The following SHANK2 variants were observed in gnomAD, a reference collection of about 807,000 sequenced individuals.
SHANK2 encodes the protein SH3 and multiple ankyrin repeat domains protein 2.
Under a neutral mutation model 133.7 loss-of-function variants are expected in SHANK2, and 43 were observed. The observed-to-expected ratio is 0.32, with a 90% CI of 0.25 to 0.41. The LOEUF is 0.41. SHANK2 is among the 10% of genes least tolerant of loss of function. SHANK2 has a pLI of 1.00. For synonymous variants in SHANK2, 1,017 were observed against 952.8 expected, an observed-to-expected ratio of 1.07 and a Z score of -1.24; for missense variants, 1,994 against 2,235.8, an observed-to-expected ratio of 0.89 and a Z score of 2.18.
chr11:70,491,133 C>T (rs1033763053), intron 22 of SHANK2, among the ~76,000 whole-genome samples: 2 of 152,244 alleles, frequency 1.3e-5, no homozygotes, highest in Admixed American at 1.3e-4. Flanking sequence ...ACTGAGATGG[C>T]TCAGGGCCCC....
chr11:70,676,497 G>A (rs1944908086), intron 15 of SHANK2, among the ~76,000 whole-genome samples: 4 of 152,240 alleles, frequency 2.6e-5, no homozygotes, highest in Admixed American at 2.6e-4. Context: ...GCCACCATGA[G>A]GGAGAGGCCA....
intron 14 of SHANK2, among the ~76,000 whole-genome samples, chr11:70,768,185 ATG>A (rs1947167073): frequency 1.3e-5 from 2 of 152,102 alleles, no homozygotes; most frequent in African/African-American, 4.8e-5. Flanking sequence ...TGCAGTGTAG[ATG>A]TGAGTTCCCT....
At chr11:71,108,395 C>T (rs1280646085) in intron 6 of SHANK2, among the ~76,000 whole-genome samples, 1 of 152,204 alleles carries the variant, frequency 6.6e-6, no homozygotes, top group East Asian at 1.9e-4. Flanking sequence ...CTCCTCCTCC[C>T]ACTGCCTGCC....
chr11:70,817,821 G>A (rs1171645778), intron 12 of SHANK2, among the ~76,000 whole-genome samples: 13 of 152,100 alleles, frequency 8.5e-5, no homozygotes, highest in African/African-American at 1.9e-4. Context: ...TGCAACCTCC[G>A]CCTCCCAGGT....
At chr11:70,896,699 C>T (rs1949939928) in intron 10 of SHANK2, 132 bp from the exon 11 acceptor site, 2 of 618,372 alleles carry the variant, frequency 3.2e-6, no homozygotes, top group African/African-American at 3.7e-5. Context: ...GCCGCAATAT[C>T]AACACTCATC....
At chr11:70,782,898 T>C (rs1947538170) in intron 14 of SHANK2, among the ~76,000 whole-genome samples, 1 of 152,138 alleles carries the variant, frequency 6.6e-6, no homozygotes, top group African/African-American at 2.4e-5. Flanking sequence ...GTGGGCACCA[T>C]TACTCTTACA....
chr11:70,682,450 C>G (rs1319383400), intron 15 of SHANK2, among the ~76,000 whole-genome samples: 3 of 152,214 alleles, frequency 2.0e-5, no homozygotes, highest in African/African-American at 7.2e-5. Context: ...ACCTGCCTGG[C>G]CAACATGGTG....
At chr11:71,233,078 G>A (rs561526007) in intron 1 of SHANK2, among the ~76,000 whole-genome samples, 2 of 152,174 alleles carry the variant, frequency 1.3e-5, no homozygotes, top group South Asian at 2.1e-4. Context: ...TTGGGGGGCC[G>A]AGGTGGGAGG....
At chr11:70,587,846 G>C (rs1591616278) in intron 17 of SHANK2, among the ~76,000 whole-genome samples, 1 of 152,016 alleles carries the variant, frequency 6.6e-6, no homozygotes, top group Non-Finnish European at 1.5e-5. Flanking sequence ...CTGGGATTCT[G>C]GGTGTGAGCC....
Position 70,879,494 on chromosome 11 carries a change from G to A in SHANK2, c.1174+17007C>T, listed in dbSNP as rs939583523. ...GTTGTTATCTGTGGTGGCTTCTGAG[G>A]CTCAGAGAGGTGCCGTGGCTGGTCC... On this transcript the variant is annotated intron_variant, in intron 11 of 25. Transcript: ENST00000601538. 6.6e-5 allele frequency among the ~76,000 whole-genome samples: 10 copies of A among 152,300 alleles called. No individual in the cohort carries two copies. In the East Asian group the frequency reaches 1.7e-3, roughly 26 times the overall value.
At chr11:70,905,879 T>C (rs1343780283) in intron 10 of SHANK2, among the ~76,000 whole-genome samples, 2 of 150,688 alleles carry the variant, frequency 1.3e-5, no homozygotes, top group Non-Finnish European at 3.0e-5. Flanking sequence ...TGGCACGATC[T>C]CCAGTCACTG....
intron 2 of SHANK2, among the ~76,000 whole-genome samples, chr11:71,208,817 C>T (rs1350640983): frequency 4.6e-5 from 7 of 152,064 alleles, no homozygotes; most frequent in African/African-American, 1.4e-4. Context: ...CTCAATAAAT[C>T]GCATCTAAGG....
At chr11:70,886,643 G>C (rs1431020017) in intron 11 of SHANK2, among the ~76,000 whole-genome samples, 3 of 151,850 alleles carry the variant, frequency 2.0e-5, no homozygotes, top group African/African-American at 7.3e-5. Flanking sequence ...TATTTTTAAA[G>C]GATCATGGCT....
intron 17 of SHANK2, among the ~76,000 whole-genome samples, chr11:70,646,929 C>T (rs868971958): frequency 6.6e-6 from 1 of 151,786 alleles, no homozygotes; most frequent in African/African-American, 2.4e-5. Context: ...GGCACAATCT[C>T]GGCTCACTGC....
chr11:70,638,458 C>T (rs1424554712), intron 17 of SHANK2, among the ~76,000 whole-genome samples: 1 of 152,200 alleles, frequency 6.6e-6, no homozygotes, highest in African/African-American at 2.4e-5. Context: ...TGATGACCTT[C>T]CCTGGGCCAG....
intron 14 of SHANK2, among the ~76,000 whole-genome samples, chr11:70,760,376 T>A (rs539273711): frequency 9.5e-4 from 145 of 152,326 alleles, no homozygotes; most frequent in Admixed American, 2.1e-3. Context: ...CTTCTAAATT[T>A]ATAAATCGTG....
intron 2 of SHANK2, among the ~76,000 whole-genome samples, chr11:71,158,329 TGAAAAACATTC>T (rs1952942354): frequency 6.6e-6 from 1 of 152,108 alleles, no homozygotes; most frequent in Non-Finnish European, 1.5e-5. Flanking sequence ...AATAAACAAT[TGAAAAACATTC>T]AAAAAACACT....
chr11:71,201,736 C>T (rs1347550189), intron 2 of SHANK2, among the ~76,000 whole-genome samples: 3 of 152,280 alleles, frequency 2.0e-5, no homozygotes, highest in African/African-American at 4.8e-5. Flanking sequence ...ACACAGACTC[C>T]GAGGGTAGTG....
intron 17 of SHANK2, among the ~76,000 whole-genome samples, chr11:70,631,406 A>C (rs144747616): frequency 0.016 from 2,355 of 149,428 alleles, 28 homozygotes; most frequent in Admixed American, 0.025. Flanking sequence ...ACACACACAC[A>C]CACCCACACA....
Sources: allele counts gnomAD v4.1 joint callset (sites outside exome capture counted in the v4.1 genomes callset), GRCh38; gene constraint gnomAD v4.1.1; transcripts MANE v1.5; gene names NCBI Gene and HGNC (gene_info 2026-07-23, HGNC 2026-07-21).